TTN: variants seen among roughly 807,000 people sequenced by gnomAD.
TTN encodes titin, also known as connectin.
A neutral mutation model predicts 3,223.0 loss-of-function variants in TTN; 1,525 were observed. The ratio of observed to expected loss-of-function variants is 0.47; its 90% CI spans 0.45 to 0.49. TTN has a LOEUF of 0.49. TTN is among the 20% of genes least tolerant of loss of function. The pLI is 0.00. For missense variants in TTN, 40,786 were observed against 43,424.0 expected, an observed-to-expected ratio of 0.94 and a Z score of 5.40; for synonymous variants, 14,094 against 15,161.0, an observed-to-expected ratio of 0.93 and a Z score of 5.17.
chr2:178,749,133 G>C, intron 47 of TTN: 1 of 1,612,638 alleles, frequency 6.2e-7, no homozygotes, highest in Non-Finnish European at 8.5e-7. Context: ...CTCTCAGAGT[G>C]AATATTTGGT....
chr2:178,617,547 A>T lies in TTN; in HGVS notation c.47573-35T>A, dbSNP rs1247847309. On this transcript the variant is annotated intron_variant, in intron 253 of 362. Coordinates refer to ENST00000589042, the MANE Select transcript of TTN (RefSeq NM_001267550.2). The stretch of plus-strand genomic sequence containing the variant: ...AAGAAGGAGTTGGAGCATACCATTT[A>T]CGTTAGTGACAATTTATGAAAACAG... 12 of 1,536,592 alleles carry T rather than the reference A, an allele frequency of 7.8e-6. No individual in the cohort carries two copies. The Middle Eastern group carries it at 1.1e-3, about 135-fold the overall frequency.
Position 178,778,861 on chromosome 2 carries a change from T to C in TTN, c.4208+13A>G. The C allele has an allele frequency of 6.2e-7, 1 of 1,613,778 alleles. No individual in the cohort carries two copies. Among genetic ancestry groups the C allele is most frequent in the Non-Finnish European group, 8.5e-7 (1 of 1,179,802 alleles). ...TTTACATACTAAATAACCCAAATTA[T>C]TACAAGTCTTACCTGATTCTGCTCA... On this transcript the variant is annotated intron_variant, in intron 24 of 362. Coordinates refer to ENST00000589042, the MANE Select transcript of TTN (RefSeq NM_001267550.2).
intron 135 of TTN, among the ~76,000 whole-genome samples, chr2:178,682,242 A>C (rs2069598962): frequency 6.6e-6 from 1 of 152,040 alleles, no homozygotes; most frequent in Non-Finnish European, 1.5e-5. Flanking sequence ...CTTTTGAAGC[A>C]GTCATTGTCA....
chr2:178,568,512 T>G lies in TTN; in HGVS notation c.77620A>C (p.Asn25874His). 6.2e-7 allele frequency: 1 copy of G among 1,613,458 alleles called. No individual in the cohort carries two copies. Among genetic ancestry groups the G allele is most frequent in the Non-Finnish European group, 8.5e-7 (1 of 1,179,572 alleles). ...GATGCTGTCTTCTGACCAACAACAT[T>G]GGCAACTGTGATTCCATATTGTCCA... Reference protein sequence around the residue: ...DGGQYGITVANVVGQKTASIE... With the variant: ...DGGQYGITVAHVVGQKTASIE... The change falls in exon 326 of 363, where the codon AAT (asparagine) becomes CAT (histidine). Residue 25874 changes from asparagine (N) to histidine (H), a missense_variant. Transcript: ENST00000589042.
chr2:178,797,431 CTT>C (rs752797869), intron 6 of TTN, among the ~76,000 whole-genome samples: 96 of 150,948 alleles, frequency 6.4e-4, no homozygotes, highest in Non-Finnish European at 1.3e-3. Flanking sequence ...TTTTTTGTAT[CTT>C]TTGTCTTTTT....
At position 178,545,517 on chromosome 2, in the gene TTN, C is replaced by G. The variant is rs1696661402; in HGVS notation, c.95593G>C (p.Asp31865His). The change falls in exon 344 of 363, where the codon GAT becomes CAT. Residue 31865 changes from aspartate to histidine, a missense_variant. By Grantham distance (81) the Asp-to-His change is moderately conservative. Transcript: ENST00000589042. ...AGGCTGGTCACCTTCAGCCTGGTAT[C>G]ATACACCACATAGTCTTTGTTGACA... is the stretch of plus-strand genomic sequence containing the variant. ...TRVNKDYVVY[D>H]TRLKVTSLME... The G allele has an allele frequency of 1.9e-6, 3 of 1,613,578 alleles. No individual in the cohort carries two copies. The highest frequency in any genetic ancestry group is 2.2e-5 in the South Asian group (2 of 91,074).
rs191694576 is a variant in TTN, at chr2:178,722,246, C to A, written c.22528+13G>T. 7.1e-6 allele frequency: 11 copies of A among 1,554,562 alleles called. No individual in the cohort carries two copies. The African/African-American group carries it at 1.5e-4, about 21-fold the overall frequency. On this transcript the variant is annotated intron_variant, in intron 77 of 362. Transcript: ENST00000589042. ...CACAGTTTGCAAAGAAAAAGAGTGACGTGTGAACAAACCTCTTGCTGTGAG... is the reference window on the plus strand; with the variant it reads ...CACAGTTTGCAAAGAAAAAGAGTGAAGTGTGAACAAACCTCTTGCTGTGAG...
chr2:178,663,854 G>A lies in TTN; in HGVS notation c.36413C>T (p.Ala12138Val), dbSNP rs774711737. The A allele has an allele frequency of 1.2e-6, 2 of 1,612,754 alleles. No homozygotes were observed. The highest frequency in any genetic ancestry group is 2.7e-5 in the African/African-American group (2 of 74,688). ...TGGGACTTCAGGCTCTTTAGGAGGAGCCAAGGGCACTTTCTCTTCGCGGAT... is the reference window on the plus strand; with the variant it reads ...TGGGACTTCAGGCTCTTTAGGAGGAACCAAGGGCACTTTCTCTTCGCGGAT... ...EVIREEKVPL[A>V]PPKEPEVPPV... The change falls in exon 170 of 363, where the codon GCT becomes GTT. Residue 12138 changes from alanine (A) to valine (V), a missense_variant. Physicochemically the swap from Ala to Val is moderately conservative, Grantham distance 64. Transcript: ENST00000589042.
Position 178,730,366 on chromosome 2 carries a change from G to T in TTN, c.18034C>A (p.Pro6012Thr). ...CSGHLTVKEPPYFVEKPQSQD... is the reference protein window; with the variant it reads ...CSGHLTVKEPTYFVEKPQSQD... ...GACTGTGGCTTTTCCACAAAGTAAG[G>T]GGGTTCTGAGGTGAAAGAAAAAACA... The change falls in exon 62 of 363, where the codon CCT becomes ACT. Residue 6012 changes from proline to threonine, a missense_variant. Pro to Thr is a conservative substitution (Grantham distance 38). Transcript: ENST00000589042. 1 of 1,572,968 alleles carries T rather than the reference G, an allele frequency of 6.4e-7. No homozygotes were observed. Among genetic ancestry groups the T allele is most frequent in the African/African-American group, 1.4e-5 (1 of 72,940 alleles).
rs1455272126 is a variant in TTN, at chr2:178,727,321, C to A, written c.20044G>T (p.Gly6682Cys). The A allele has an allele frequency of 6.2e-7, 1 of 1,610,614 alleles. No homozygotes were observed. The highest frequency in any genetic ancestry group is 1.1e-5 in the South Asian group (1 of 90,528). Residue 6682 changes from glycine (G) to cysteine (C), a missense_variant, in exon 69 of 363, where the codon GGT becomes TGT. By Grantham distance (159) the Gly-to-Cys change is radical. Transcript: ENST00000589042. ...TTGCATTCAAGTCGTGAAGAGTCAC[C>A]TGCTTTCACAATTTTGGAGGCTTCT... is the stretch of plus-strand genomic sequence containing the variant. ...KLEASKIVKA[G>C]DSSRLECKIA... is the part of the protein sequence containing the mutation.
In TTN at chr2:178,564,155, T is replaced by A; in HGVS notation, c.81977A>T (p.Lys27326Ile). ...LEETAARMEI[K>I]STIQKTTLVV... ...AAGAGTTGTTTTCTGAATAGTAGAT[T>A]TAATTTCCATTCTAGCAGCTGTTTC... The change falls in exon 326 of 363, where the codon AAA becomes ATA. Residue 27326 changes from lysine to isoleucine, a missense_variant. Lys to Ile is a moderately radical substitution (Grantham distance 102). Transcript: ENST00000589042. 4 of 1,613,772 alleles carry A rather than the reference T, an allele frequency of 2.5e-6. No individual in the cohort carries two copies. The highest frequency in any genetic ancestry group is 2.5e-6 in the Non-Finnish European group (3 of 1,179,760).
At position 178,684,346 on chromosome 2, in the gene TTN, C is replaced by T. The variant is rs372124201; in HGVS notation, c.32706G>A (p.Ala10902=). 167 of 1,613,160 alleles carry T rather than the reference C, an allele frequency of 1.0e-4. No individual in the cohort carries two copies. The highest frequency in any genetic ancestry group is 4.2e-4 in the Admixed American group (25 of 59,902). ...CGGATGTACCTCTTGCTTTTGGAGG[C>T]GCCTCTTTTTTAGTTACAGCAACAA... The part of the protein sequence containing the change: ...KVLVAVTKKE[A]PPKARVPEEP... The change falls in exon 132 of 363, where the codon GCG becomes GCA. Residue 10902 remains alanine, a synonymous_variant. Transcript: ENST00000589042.
chr2:178,679,282 G>A lies in TTN; in HGVS notation c.33742+57C>T, dbSNP rs1577314945. The A allele has an allele frequency of 1.9e-6, 3 of 1,569,250 alleles. No homozygotes were observed. The East Asian group carries it at 6.7e-5, about 35-fold the overall frequency. On this transcript the variant is annotated intron_variant, in intron 142 of 362. Transcript: ENST00000589042. ...GGAAAGATCTGCTATGGCTCACCAA[G>A]TTATGCTGCATGGGTGAATTATCAT...
intron 24 of TTN, 129 bp downstream of exon 24, chr2:178,778,745 T>C: frequency 8.5e-6 from 11 of 1,291,472 alleles, no homozygotes; most frequent in Non-Finnish European, 1.2e-5. Flanking sequence ...CAATTGTTGG[T>C]GTTGCCAATG....
At position 178,555,117 on chromosome 2, in the gene TTN, C is replaced by G; in HGVS notation, c.88342G>C (p.Glu29448Gln). 1 of 1,613,212 alleles carries G rather than the reference C, an allele frequency of 6.2e-7. No homozygotes were observed. Among genetic ancestry groups the G allele is most frequent in the Non-Finnish European group, 8.5e-7 (1 of 1,179,690 alleles). ...GTACCTGCTCTGTATTTGACAACTT[C>G]TGTATATTCTAGAGGCAAATCAATT... ...PVIDLPLEYT[E>Q]VVKYRAGTSV... Residue 29448 changes from glutamate (E) to glutamine (Q), a missense_variant, in exon 331 of 363, where the codon GAA becomes CAA. Transcript: ENST00000589042.
chr2:178,553,013 A>C lies in TTN; in HGVS notation c.89887T>G (p.Ser29963Ala). 6.2e-7 allele frequency: 1 copy of C among 1,611,642 alleles called. No homozygotes were observed. The highest frequency in any genetic ancestry group is 8.5e-7 in the Non-Finnish European group (1 of 1,179,768). The change falls in exon 335 of 363, where the codon TCT becomes GCT. Residue 29963 changes from serine to alanine, a missense_variant. Ser to Ala is a moderately conservative substitution (Grantham distance 99). Coordinates refer to ENST00000589042, the MANE Select transcript of TTN (RefSeq NM_001267550.2). Reference sequence around the variant, plus strand: ...TCAATGACATAATTAATTATTGGAGATCCTCCATCAATGAGAGGAGGATCC... The same window carrying C: ...TCAATGACATAATTAATTATTGGAGCTCCTCCATCAATGAGAGGAGGATCC... ...LWDPPLIDGG[S>A]PIINYVIEKR...
rs779492740 is a variant in TTN at position 178,551,731 on chromosome 2, A to T, written c.91169T>A (p.Val30390Glu). Residue 30390 changes from valine to glutamate, a missense_variant, in exon 335 of 363, where the codon GTA (valine) becomes GAA (glutamate). Val to Glu is a moderately radical substitution (Grantham distance 121). Coordinates refer to ENST00000589042, the MANE Select transcript of TTN (RefSeq NM_001267550.2). ...ACGGAATTGGTAATCCAGACCTTCT[A>T]CCAGTCCAGTGGCTCTATATTCTCT... ...SGREYRATGLVEGLDYQFRVY... is the reference protein window; with the variant it reads ...SGREYRATGLEEGLDYQFRVY... 6.2e-7 allele frequency: 1 copy of T among 1,613,838 alleles called. No individual in the cohort carries two copies. The highest frequency in any genetic ancestry group is 2.2e-5 in the East Asian group (1 of 44,874).
rs72677221 is a variant in TTN at position 178,621,869 on chromosome 2, G to A, written c.45053C>T (p.Ala15018Val). Residue 15018 changes from alanine to valine, a missense_variant, in exon 244 of 363, where the codon GCG becomes GTG. Ala to Val is a moderately conservative substitution (Grantham distance 64). Transcript: ENST00000589042. ...AACTGTCAGCATGCCAGAAGTTCTC[G>A]CTGTCCTTACTTCACAGGAATATTC... ...EAEYSCEVRT[A>V]RTSGMLTVLE... The A allele has an allele frequency of 2.3e-4, 363 of 1,612,066 alleles. 2 individuals are homozygous for A. In the Admixed American group the frequency reaches 5.0e-3, roughly 22 times the overall value.
At position 178,544,350 on chromosome 2, in the gene TTN, T is replaced by C. The variant is rs776521449; in HGVS notation, c.95879A>G (p.His31960Arg). 1.9e-6 allele frequency: 3 copies of C among 1,613,832 alleles called. No individual in the cohort carries two copies. The highest frequency in any genetic ancestry group is 1.7e-6 in the Non-Finnish European group (2 of 1,179,760). The change falls in exon 345 of 363, where the codon CAT becomes CGT. Residue 31960 changes from histidine (H) to arginine (R), a missense_variant. Transcript: ENST00000589042. ...AGTATTTCTTATTGTGGCATTGGTA[T>C]GCACTCGGTACCACTGATCAGTGTC... Reference protein sequence around the residue: ...EKDTDQWYRVHTNATIRNTEF... With the variant: ...EKDTDQWYRVRTNATIRNTEF...
Sources: gnomAD v4.1 joint callset for allele counts (sites outside exome capture counted in the v4.1 genomes callset) on GRCh38, gnomAD v4.1.1 for gene constraint, MANE v1.5 for transcripts, NCBI Gene and HGNC (gene_info 2026-07-23, HGNC 2026-07-21) for gene names.